Variants in CPNE8 observed in about 807,000 individuals in gnomAD.
CPNE8 encodes the protein copine-8.
A neutral mutation model predicts 81.5 loss-of-function variants in CPNE8; 45 were observed. The ratio of observed to expected loss-of-function variants is 0.55; its 90% confidence interval spans 0.44 to 0.71. The LOEUF is 0.71. Among genes scored for constraint, CPNE8 ranks in the 30% least tolerant of loss-of-function variants. The pLI, the probability that CPNE8 is intolerant of heterozygous loss-of-function variation, is 0.00. For synonymous variants in CPNE8, 252 were observed against 226.3 expected (o/e 1.11, Z -1.02); for missense variants, 594 against 672.1 (o/e 0.88, Z 1.28).
intron 4 of CPNE8, 116 bp from the exon 5 acceptor site, chr12:38,840,071 G>A (rs1297860067): frequency 1.0e-5 from 11 of 1,059,174 alleles, no homozygotes; most frequent in African/African-American, 7.9e-5. Context: ...AATACCAATA[G>A]GAAGAAAAAC....
At chr12:38,784,923 G>A (rs967406480) in intron 6 of CPNE8, among the ~76,000 whole-genome samples, 42 of 152,066 alleles carry the variant, frequency 2.8e-4, no homozygotes, top group East Asian at 1.9e-4. Flanking sequence ...TGCCTGGTGC[G>A]GTGGCTCACG....
At chr12:38,793,200 C>T (rs1222019388) in intron 6 of CPNE8, among the ~76,000 whole-genome samples, 2 of 142,728 alleles carry the variant, frequency 1.4e-5, no homozygotes, top group Admixed American at 6.7e-5. Context: ...TTCTATTCAA[C>T]ATAATACTGT....
chr12:38,802,274 C>A, intron 6 of CPNE8, among the ~76,000 whole-genome samples: 1 of 30,224 alleles, frequency 3.3e-5, no homozygotes, highest in South Asian at 3.1e-3. Context: ...CTCTCCTCAG[C>A]AAAGGTAAAA....
chr12:38,875,761 C>T (rs949409798), intron 1 of CPNE8, among the ~76,000 whole-genome samples: 3 of 152,154 alleles, frequency 2.0e-5, no homozygotes, highest in South Asian at 4.1e-4. Flanking sequence ...ATCAGACATA[C>T]TCATATTTGG....
intron 14 of CPNE8, among the ~76,000 whole-genome samples, chr12:38,697,842 C>T (rs1019244886): frequency 6.6e-6 from 1 of 152,126 alleles, no homozygotes; most frequent in Non-Finnish European, 1.5e-5. Context: ...ATGTAATATG[C>T]TGACTGCCCC....
intron 10 of CPNE8, among the ~76,000 whole-genome samples, chr12:38,753,341 A>T (rs1235556114): frequency 1.3e-5 from 2 of 152,032 alleles, no homozygotes; most frequent in Non-Finnish European, 2.9e-5. Context: ...AATCCCAGCG[A>T]CTCAGGAGGC....
rs139610906 is a variant in CPNE8, at chr12:38,812,145, G to A, written c.407+17234C>T. Among the ~76,000 whole-genome samples, 1,427 of 152,292 alleles carry A rather than the reference G, an allele frequency of 9.4e-3. 20 individuals carry two copies. The highest frequency in any genetic ancestry group is 0.04 in the South Asian group (194 of 4,820). ...GCAGAGACAAAGAAGATTTAACACA[G>A]AAGGTGGCAGGAACTGGGTCTACTA... is the stretch of plus-strand genomic sequence containing the variant. On this transcript the variant is annotated intron_variant, in intron 6 of 19. Coordinates refer to ENST00000331366, the MANE Select transcript of CPNE8 (RefSeq NM_153634.3).
At chr12:38,789,002 C>A (rs190822355) in intron 6 of CPNE8, among the ~76,000 whole-genome samples, 69 of 151,706 alleles carry the variant, frequency 4.5e-4, no homozygotes, top group African/African-American at 1.2e-3. Context: ...TGGAATAATT[C>A]AAATTGTTAA....
intron 13 of CPNE8, among the ~76,000 whole-genome samples, chr12:38,711,120 T>C (rs1031643610): frequency 6.6e-6 from 1 of 152,228 alleles, no homozygotes; most frequent in Non-Finnish European, 1.5e-5. Flanking sequence ...AGAAAATTAC[T>C]AGTACATCAT....
rs186771525 is a variant in CPNE8 at position 38,730,225 on chromosome 12, T to G, written c.798+58A>C. The G allele has an allele frequency of 1.1e-5, 12 of 1,055,102 alleles. No homozygotes were observed. In the East Asian group the frequency reaches 2.6e-4, roughly 23 times the overall value. 65.4% of individuals were successfully genotyped at this position (1,055,102 alleles called of 1,614,324 possible). ...TTATGCTTTGCAGAATCCACACTTT[T>G]AAAGCACAGATTTATTTATTCTAGA... On this transcript the variant is annotated intron_variant, in intron 11 of 19. Coordinates refer to ENST00000331366, the MANE Select transcript of CPNE8 (RefSeq NM_153634.3).
intron 6 of CPNE8, among the ~76,000 whole-genome samples, chr12:38,803,296 A>C (rs1942729061): frequency 1.9e-5 from 1 of 53,604 alleles, no homozygotes; most frequent in Non-Finnish European, 5.1e-5. Flanking sequence ...GCACATCAAA[A>C]AGGTTATCCA....
intron 19 of CPNE8, among the ~76,000 whole-genome samples, chr12:38,659,742 C>T (rs1020467753): frequency 3.9e-5 from 6 of 152,178 alleles, no homozygotes; most frequent in Non-Finnish European, 8.8e-5. Flanking sequence ...GATTAAGAAA[C>T]TCACTCAAAA....
chr12:38,682,076 C>T (rs1262710235), intron 16 of CPNE8, among the ~76,000 whole-genome samples: 2 of 151,968 alleles, frequency 1.3e-5, no homozygotes, highest in African/African-American at 4.8e-5. Context: ...AAAAATTAGC[C>T]AGGTGTGGTG....
chr12:38,777,121 C>T (rs1025416728), intron 6 of CPNE8, among the ~76,000 whole-genome samples: 25 of 151,542 alleles, frequency 1.6e-4, no homozygotes, highest in African/African-American at 5.3e-4. Flanking sequence ...GAGACAACAG[C>T]TCCATGCATG....
intron 8 of CPNE8, 41 bp from the exon 9 acceptor site, chr12:38,762,257 AT>A: frequency 8.6e-7 from 1 of 1,166,920 alleles, no homozygotes. Flanking sequence ...TGCTTTGACT[AT>A]TTTAATTGAT....
Position 38,654,153 on chromosome 12 carries a change from T to A in CPNE8, c.1507-83A>T, listed in dbSNP as rs1938766848. On this transcript the variant is annotated intron_variant, in intron 19 of 19. Transcript: ENST00000331366. ...ACAAAAAATCAACACATGTACACAT[T>A]TGGTCATAGGAAAATCAGGGAATCT... 3.5e-6 allele frequency: 5 copies of A among 1,434,718 alleles called. No individual in the cohort carries two copies. The African/African-American group carries it at 7.3e-5, about 21-fold the overall frequency. 88.9% of individuals were successfully genotyped at this position (1,434,718 alleles called of 1,614,324 possible).
At chr12:38,729,745 T>C (rs1456919834) in intron 11 of CPNE8, among the ~76,000 whole-genome samples, 1 of 152,074 alleles carries the variant, frequency 6.6e-6, no homozygotes, top group Non-Finnish European at 1.5e-5. Context: ...ACATACTATA[T>C]GCTCAATACA....
chr12:38,867,327 TGTGTGTGTGTGTGAGAGAGAGA>T (rs1460236040), intron 3 of CPNE8, among the ~76,000 whole-genome samples: 2 of 143,590 alleles, frequency 1.4e-5, no homozygotes, highest in African/African-American at 5.5e-5. Flanking sequence ...TGTGTGTGTG[TGTGTGTGTGTGTGAGAGAGAGA>T]GAGAGAGAGA....
chr12:38,902,380 GA>G (rs67151468), intron 1 of CPNE8, among the ~76,000 whole-genome samples: 5,894 of 51,706 alleles, frequency 0.11, 370 homozygotes, highest in African/African-American at 0.19. Context: ...AAGAAAGAAA[GA>G]AAAGAAAGAA....
Sources: gnomAD v4.1 joint callset for allele counts (sites outside exome capture counted in the v4.1 genomes callset) on GRCh38, gnomAD v4.1.1 for gene constraint, MANE v1.5 for transcripts, NCBI Gene and HGNC (gene_info 2026-07-23, HGNC 2026-07-21) for gene names.